ELP4: variants seen among roughly 807,000 people sequenced by gnomAD.
ELP4 encodes the protein elongator acetyltransferase complex subunit 4, also known as elongator complex protein 4.
A neutral mutation model predicts 48.9 loss-of-function variants in ELP4; 51 were observed. The observed-to-expected ratio is 1.04, with a 90% CI of 0.83 to 1.32. ELP4 has a LOEUF of 1.32. Ranked by LOEUF, ELP4 falls within the 40% of genes most tolerant of loss-of-function variation. The pLI, the probability that ELP4 is intolerant of heterozygous loss-of-function variation, is 0.00. For missense variants in ELP4, 519 were observed against 514.6 expected (o/e 1.01, Z -0.08); for synonymous variants, 210 against 189.2 (o/e 1.11, Z -0.90).
At chr11:31,668,675 C>CATGTGTGTGTGTGTGTGTGTGT (rs757792983) in intron 9 of ELP4, among the ~76,000 whole-genome samples, 2,286 of 120,930 alleles carry the variant, frequency 0.019, 242 homozygotes, top group East Asian at 0.034. Flanking sequence ...CCTTTGGTAC[C>CATGTGTGTGTGTGTGTGTGTGT]GTGTGTGTGT....
intron 2 of ELP4, among the ~76,000 whole-genome samples, chr11:31,536,617 A>C (rs964158254): frequency 5.3e-5 from 8 of 152,162 alleles, no homozygotes; most frequent in Non-Finnish European, 1.0e-4. Context: ...CTCTCAAAGC[A>C]TGGGGATTAC....
At chr11:31,579,597 A>C (rs1231795113) in intron 3 of ELP4, among the ~76,000 whole-genome samples, 2 of 152,170 alleles carry the variant, frequency 1.3e-5, no homozygotes, top group African/African-American at 2.4e-5. Flanking sequence ...ATGGAATACT[A>C]TGCAGCCCTA....
intron 9 of ELP4, among the ~76,000 whole-genome samples, chr11:31,742,806 G>GA (rs1437534633): frequency 1.3e-5 from 2 of 152,150 alleles, no homozygotes; most frequent in Admixed American, 1.3e-4. Context: ...ATGCCAAATT[G>GA]TAAAGACCAT....
intron 7 of ELP4, among the ~76,000 whole-genome samples, chr11:31,637,071 C>T (rs1944995420): frequency 6.6e-6 from 1 of 151,772 alleles, no homozygotes; most frequent in Admixed American, 6.6e-5. Flanking sequence ...AGTAAAGTGT[C>T]ATTAGAAGGA....
At chr11:31,576,317 C>T (rs1392005362) in intron 3 of ELP4, among the ~76,000 whole-genome samples, 1 of 152,200 alleles carries the variant, frequency 6.6e-6, no homozygotes, top group African/African-American at 2.4e-5. Context: ...TACAAAGAGA[C>T]TTAGACTCCC....
At chr11:31,576,445 T>C (rs1224037781) in intron 3 of ELP4, among the ~76,000 whole-genome samples, 1 of 152,284 alleles carries the variant, frequency 6.6e-6, no homozygotes, top group East Asian at 1.9e-4. Context: ...GCAGACCTAA[T>C]AGACATCTAC....
At chr11:31,676,597 G>A (rs1039161823) in intron 9 of ELP4, among the ~76,000 whole-genome samples, 26 of 152,064 alleles carry the variant, frequency 1.7e-4, no homozygotes, top group African/African-American at 4.6e-4. Context: ...TATTTAAATT[G>A]TATACAAGAA....
At chr11:31,724,341 A>T (rs759669749) in intron 9 of ELP4, among the ~76,000 whole-genome samples, 81 of 152,230 alleles carry the variant, frequency 5.3e-4, no homozygotes, top group Middle Eastern at 3.2e-3. Flanking sequence ...TATAAAAACT[A>T]ACATTGACTG....
chr11:31,777,684 GT>G (rs1353735934), intron 9 of ELP4, among the ~76,000 whole-genome samples: 2 of 152,102 alleles, frequency 1.3e-5, no homozygotes, highest in African/African-American at 4.8e-5. Flanking sequence ...CAACTTTCAG[GT>G]CTTGCCTTCC....
In ELP4 at chr11:31,678,740, G is replaced by A. The variant is rs1945992027; in HGVS notation, c.1143+28519G>A. On this transcript the variant is annotated intron_variant, in intron 9 of 9. Coordinates refer to ENST00000640961, the MANE Select transcript of ELP4 (RefSeq NM_019040.5). Reference sequence around the variant, plus strand: ...TAAACATCCGTGTGCAGGTTTTTATGTGGACATAAGTTTTCAACTCATTGG... The same window carrying A: ...TAAACATCCGTGTGCAGGTTTTTATATGGACATAAGTTTTCAACTCATTGG... 2.0e-5 allele frequency among the ~76,000 whole-genome samples: 3 copies of A among 152,082 alleles called. No homozygotes were observed. In the South Asian group the frequency reaches 6.2e-4, roughly 32 times the overall value.
chr11:31,598,503 CTTTTTT>C (rs10702222), intron 4 of ELP4, among the ~76,000 whole-genome samples: 3 of 77,740 alleles, frequency 3.9e-5, no homozygotes, highest in Admixed American at 2.0e-4. Context: ...TTTTCTTCTT[CTTTTTT>C]TTTTTTTTTT....
intron 3 of ELP4, among the ~76,000 whole-genome samples, chr11:31,575,474 A>G (rs1206990984): frequency 6.6e-6 from 1 of 152,180 alleles, no homozygotes; most frequent in African/African-American, 2.4e-5. Flanking sequence ...GAGCAACTCC[A>G]AGACACATAA....
At chr11:31,583,907 T>C (rs1471756862) in intron 3 of ELP4, among the ~76,000 whole-genome samples, 1 of 152,170 alleles carries the variant, frequency 6.6e-6, no homozygotes, top group Non-Finnish European at 1.5e-5. Flanking sequence ...GCTAGTGCAG[T>C]TGAGATTAAC....
intron 9 of ELP4, among the ~76,000 whole-genome samples, chr11:31,748,894 G>A (rs1947656819): frequency 6.6e-6 from 1 of 152,086 alleles, no homozygotes; most frequent in Admixed American, 6.6e-5. Context: ...AGCAAGTTAA[G>A]GTGTTTAGGT....
At chr11:31,743,210 A>G (rs1258317797) in intron 9 of ELP4, among the ~76,000 whole-genome samples, 1 of 152,210 alleles carries the variant, frequency 6.6e-6, no homozygotes, top group African/African-American at 2.4e-5. Flanking sequence ...TCCCAAATAT[A>G]TATGTTCCCA....
intron 5 of ELP4, among the ~76,000 whole-genome samples, chr11:31,624,127 T>C (rs1035156676): frequency 1.3e-5 from 2 of 151,766 alleles, no homozygotes; most frequent in African/African-American, 4.8e-5. Context: ...AGAACAGCCA[T>C]TGTAGAAAAC....
intron 9 of ELP4, among the ~76,000 whole-genome samples, chr11:31,759,017 A>G (rs886219381): frequency 1.3e-5 from 2 of 152,176 alleles, no homozygotes; most frequent in African/African-American, 2.4e-5. Flanking sequence ...TTATTGGTAG[A>G]TATACGTTTG....
At chr11:31,611,614 A>T (rs1332377852) in intron 5 of ELP4, among the ~76,000 whole-genome samples, 1 of 152,236 alleles carries the variant, frequency 6.6e-6, no homozygotes, top group African/African-American at 2.4e-5. Flanking sequence ...AAACATAATC[A>T]TATGTCCGAT....
intron 5 of ELP4, among the ~76,000 whole-genome samples, chr11:31,622,083 TA>T: frequency 6.6e-6 from 1 of 151,860 alleles, no homozygotes; most frequent in Middle Eastern, 3.4e-3. Context: ...GTGTTTTGAT[TA>T]TTTACTATGT....
Sources: allele counts gnomAD v4.1 joint callset (sites outside exome capture counted in the v4.1 genomes callset), GRCh38; gene constraint gnomAD v4.1.1; transcripts MANE v1.5; gene names NCBI Gene and HGNC (gene_info 2026-07-23, HGNC 2026-07-21).